The following AGTPBP1 variants were observed in gnomAD, a reference collection of about 807,000 sequenced individuals.
AGTPBP1 encodes ATP/GTP binding carboxypeptidase 1.
In AGTPBP1, 70 loss-of-function variants were observed where a neutral mutation model predicts 143.9. The ratio of observed to expected loss-of-function variants is 0.49; its 90% CI spans 0.40 to 0.59. The LOEUF is 0.59. Ranked by LOEUF, AGTPBP1 falls within the 20% of genes least tolerant of loss-of-function variation. The probability of loss-of-function intolerance (pLI) is 0.00; values close to 1 mark genes in which losing one functional copy is unlikely to be tolerated. For missense variants in AGTPBP1, 1,229 were observed against 1,464.5 expected, an observed-to-expected ratio of 0.84 and a Z score of 2.62; for synonymous variants, 463 against 500.2, an observed-to-expected ratio of 0.93 and a Z score of 0.99.
chr9:85,666,245 A>G (rs1373022799), intron 8 of AGTPBP1, among the ~76,000 whole-genome samples: 3 of 152,142 alleles, frequency 2.0e-5, no homozygotes, highest in Non-Finnish European at 4.4e-5. Flanking sequence ...AAAAAGATAC[A>G]GTTAAAATAA....
chr9:85,791,207 T>C, the AGTPBP1 span, among the ~76,000 whole-genome samples: 1 of 151,708 alleles, frequency 6.6e-6, no homozygotes, highest in African/African-American at 2.4e-5. Context: ...AAACCCCATC[T>C]CTACTAAAAA....
chr9:85,711,039 CAG>C (rs1457672061), intron 2 of AGTPBP1, among the ~76,000 whole-genome samples: 1 of 152,126 alleles, frequency 6.6e-6, no homozygotes, highest in African/African-American at 2.4e-5. Context: ...CTTATCTAAA[CAG>C]TGTGTATACT....
chr9:85,714,543 T>C (rs554181814), intron 1 of AGTPBP1, among the ~76,000 whole-genome samples: 47 of 152,264 alleles, frequency 3.1e-4, no homozygotes, highest in African/African-American at 1.1e-3. Flanking sequence ...CTAGAATGAG[T>C]AAATCTGTCT....
At chr9:85,724,490 T>C (rs1055195994) in intron 1 of AGTPBP1, among the ~76,000 whole-genome samples, 2 of 152,146 alleles carry the variant, frequency 1.3e-5, no homozygotes, top group Non-Finnish European at 2.9e-5. Flanking sequence ...AAATGCTCAA[T>C]ATATGCCACA....
chr9:85,680,300 T>C (rs1368338326), intron 4 of AGTPBP1, among the ~76,000 whole-genome samples: 2 of 151,944 alleles, frequency 1.3e-5, no homozygotes, highest in African/African-American at 2.4e-5. Context: ...ACAAAACTGT[T>C]AGGCCGGGCA....
At chr9:85,605,080 A>G (rs1030580082) in intron 17 of AGTPBP1, among the ~76,000 whole-genome samples, 1 of 152,182 alleles carries the variant, frequency 6.6e-6, no homozygotes, top group Non-Finnish European at 1.5e-5. Flanking sequence ...ATTCAAAGGG[A>G]TAATACCAGA....
At chr9:85,641,407 AAAGAG>A (rs1402292712) in intron 13 of AGTPBP1, among the ~76,000 whole-genome samples, 1 of 152,204 alleles carries the variant, frequency 6.6e-6, no homozygotes, top group African/African-American at 2.4e-5. Context: ...AGGTTGAATG[AAAGAG>A]AATCAACCTA....
intron 3 of AGTPBP1, among the ~76,000 whole-genome samples, chr9:85,687,753 G>A (rs1037234687): frequency 1.3e-5 from 2 of 152,070 alleles, no homozygotes; most frequent in Non-Finnish European, 2.9e-5. Context: ...AATGCCTCCA[G>A]TAGAAATAAA....
At chr9:85,609,227 T>C (rs1830168021) in intron 17 of AGTPBP1, among the ~76,000 whole-genome samples, 1 of 152,156 alleles carries the variant, frequency 6.6e-6, no homozygotes, top group African/African-American at 2.4e-5. Flanking sequence ...TCCCTAATTG[T>C]TCATTGAGAT....
intron 13 of AGTPBP1, among the ~76,000 whole-genome samples, chr9:85,638,960 T>A (rs1832267857): frequency 1.3e-5 from 2 of 152,046 alleles, no homozygotes; most frequent in African/African-American, 4.8e-5. Context: ...CAATTAACAA[T>A]CTTGTCCTAA....
chr9:85,664,238 T>C (rs1473137919), intron 8 of AGTPBP1, among the ~76,000 whole-genome samples: 2 of 152,148 alleles, frequency 1.3e-5, no homozygotes, highest in Non-Finnish European at 1.5e-5. Flanking sequence ...TAGCTTGATG[T>C]GGTGATAGTT....
At chr9:85,781,146 A>G in the AGTPBP1 span, 1 of 1,461,470 alleles carries the variant, frequency 6.8e-7, no homozygotes, top group Non-Finnish European at 9.0e-7. Context: ...AAACAAAAAC[A>G]TAATTTTGCA....
chr9:85,551,090 G>A (rs143937316), intron 25 of AGTPBP1, among the ~76,000 whole-genome samples: 87 of 132,222 alleles, frequency 6.6e-4, no homozygotes, highest in African/African-American at 3.0e-3. Context: ...GTCTGCTCCC[G>A]CTATGCCTTC....
chr9:85,663,657 T>C (rs1026251430), intron 8 of AGTPBP1, among the ~76,000 whole-genome samples: 3 of 151,228 alleles, frequency 2.0e-5, no homozygotes, highest in Admixed American at 6.6e-5. Flanking sequence ...AGATCTGACA[T>C]AAACATGAGA....
intron 3 of AGTPBP1, among the ~76,000 whole-genome samples, chr9:85,685,340 T>A (rs114104932): frequency 0.013 from 1,964 of 151,118 alleles, 18 homozygotes; most frequent in Middle Eastern, 0.034. Context: ...TCCAAAAAAA[T>A]AAATAAATAA....
chr9:85,656,095 G>A (rs912639853), intron 10 of AGTPBP1, among the ~76,000 whole-genome samples: 1 of 152,162 alleles, frequency 6.6e-6, no homozygotes, highest in African/African-American at 2.4e-5. Flanking sequence ...CCAAAGTGCT[G>A]GGATTACAGG....
At chr9:85,566,000 G>A (rs1239646236) in intron 25 of AGTPBP1, among the ~76,000 whole-genome samples, 3 of 152,150 alleles carry the variant, frequency 2.0e-5, no homozygotes. Flanking sequence ...ATAAGACAGT[G>A]CTCTTCCCAG....
intron 14 of AGTPBP1, among the ~76,000 whole-genome samples, chr9:85,626,792 A>T (rs1341703991): frequency 3.6e-4 from 55 of 152,172 alleles, no homozygotes; most frequent in Non-Finnish European, 1.5e-5. Flanking sequence ...ACAAGGCATG[A>T]CTATGTTCCA....
chr9:85,578,129 C>T (rs1468880687), intron 24 of AGTPBP1, among the ~76,000 whole-genome samples: 2 of 152,216 alleles, frequency 1.3e-5, no homozygotes, highest in African/African-American at 4.8e-5. Flanking sequence ...TAAAGTCCAA[C>T]TCATTGCACA....
Sources: allele counts gnomAD v4.1 joint callset (sites outside exome capture counted in the v4.1 genomes callset), GRCh38; gene constraint gnomAD v4.1.1; transcripts MANE v1.5; gene names NCBI Gene and HGNC (gene_info 2026-07-23, HGNC 2026-07-21).